C1QC: variants seen among roughly 807,000 people sequenced by gnomAD.
The protein encoded by C1QC is complement C1q subcomponent subunit C.
Under a neutral mutation model 5.9 loss-of-function variants are expected in C1QC, and 4 were observed. The ratio of observed to expected loss-of-function variants is 0.68; its 90% CI spans 0.33 to 1.55. The LOEUF (loss-of-function observed/expected upper bound fraction) is 1.55. C1QC is among the 40% of genes most tolerant of loss of function. The probability of loss-of-function intolerance (pLI) is 0.06; values close to 1 mark genes in which losing one functional copy is unlikely to be tolerated. For missense variants in C1QC, 299 were observed against 326.9 expected (o/e 0.91, Z 0.66); for synonymous variants, 166 against 153.8 (o/e 1.08, Z -0.59).
chr1:22,644,122 C>A lies in C1QC; in HGVS notation c.99C>A (p.Tyr33Ter). 6.3e-7 allele frequency: 1 copy of A among 1,583,494 alleles called. No homozygotes were observed. The highest frequency in any genetic ancestry group is 8.6e-7 in the Non-Finnish European group (1 of 1,165,744). The change falls in exon 2 of 3, where the codon TAC becomes TAA. Residue 33 changes from tyrosine to a stop codon, truncating the protein, a stop_gained. Coordinates refer to ENST00000374640, the MANE Select transcript of C1QC (RefSeq NM_172369.5). LOFTEE classifies it high-confidence loss of function. ...PLRGQANTGC[Y>*]GIPGMPGLPG... ...GGGGCCAAGCCAACACAGGCTGCTA[C>A]GGGATCCCAGGGATGCCCGGCCTGC...
rs750769493 is a variant in C1QC, at chr1:22,647,576, C to G, written c.531C>G (p.Asn177Lys). ...TCTACCACGCGTCGCATACAGCCAA[C>G]CTGTGCGTGCTGCTGTACCGCAGCG... is the stretch of plus-strand genomic sequence containing the variant. ...YFVYHASHTA[N>K]LCVLLYRSGV... Residue 177 changes from asparagine to lysine, a missense_variant, in exon 3 of 3, where the codon AAC becomes AAG. Transcript: ENST00000374640. The G allele has an allele frequency of 1.9e-6, 3 of 1,614,256 alleles. No homozygotes were observed. The East Asian group carries it at 6.7e-5, about 36-fold the overall frequency.
rs552511537 is a variant in C1QC at position 22,647,503 on chromosome 1, C to G, written c.458C>G (p.Thr153Arg). The G allele has an allele frequency of 3.3e-5, 54 of 1,614,120 alleles. No homozygotes were observed. The highest frequency in any genetic ancestry group is 1.2e-5 in the Non-Finnish European group (14 of 1,180,048). The part of the protein sequence containing the change: ...VLTNPQGDYD[T>R]STGKFTCKVP... The stretch of plus-strand genomic sequence containing the variant: ...ACCAACCCGCAGGGAGATTATGACA[C>G]GAGCACTGGCAAGTTCACCTGCAAA... Residue 153 changes from threonine to arginine, a missense_variant, in exon 3 of 3, where the codon ACG becomes AGG. Physicochemically the swap from Thr to Arg is moderately conservative, Grantham distance 71. Transcript: ENST00000374640.
rs950941591 is a variant in C1QC, at chr1:22,647,760, G to A, written c.715G>A (p.Gly239Ser). Residue 239 changes from glycine to serine, a missense_variant, in exon 3 of 3, where the codon GGC (glycine) becomes AGC (serine). Around this residue, in one of 3 missense-constraint regions of C1QC, gnomAD observed 144 missense variants for 155.1 expected, o/e 0.93. Coordinates refer to ENST00000374640, the MANE Select transcript of C1QC (RefSeq NM_172369.5). ...CCAGGGCTCTGACAGCGTCTTCTCC[G>A]GCTTCCTGCTCTTCCCCGACTAGGG... Reference protein sequence around the residue: ...GIQGSDSVFSGFLLFPD With the variant: ...GIQGSDSVFSSFLLFPD 16 of 1,599,792 alleles carry A rather than the reference G, an allele frequency of 1.0e-5. No individual in the cohort carries two copies. Among genetic ancestry groups the A allele is most frequent in the South Asian group, 5.5e-5 (5 of 91,084 alleles).
rs9434 is a variant in C1QC, at chr1:22,647,804, C to T, written c.*21C>T. The T allele has an allele frequency of 6.3e-7, 1 of 1,597,966 alleles. No individual in the cohort carries two copies. ...ACTAGGGCGGGCAGATGCGCTCGAG[C>T]CCCACGGGCCTTCCACCTCCCTCAG... On this transcript the variant is annotated 3_prime_UTR_variant, in exon 3 of 3. Transcript: ENST00000374640.
chr1:22,647,077 C>A, intron 2 of C1QC, 150 bp from the exon 3 acceptor site: 1 of 937,736 alleles, frequency 1.1e-6, no homozygotes, highest in Non-Finnish European at 1.6e-6. Flanking sequence ...AGCCTAACTC[C>A]CTGCACCCTG....
rs1196678363 is a variant in C1QC, at chr1:22,647,783, G to C, written c.738G>C (p.Ter246TyrextTer31). 6.3e-7 allele frequency: 1 copy of C among 1,599,666 alleles called. No homozygotes were observed. ...CCGGCTTCCTGCTCTTCCCCGACTA[G>C]GGCGGGCAGATGCGCTCGAGCCCCA... ...VFSGFLLFPD* is the reference protein window; with the variant it reads ...VFSGFLLFPDY The change falls in exon 3 of 3, where the codon TAG becomes TAC. Residue 246 changes from the stop codon to tyrosine, a stop_lost. Coordinates refer to ENST00000374640, the MANE Select transcript of C1QC (RefSeq NM_172369.5).
rs765845446 is a variant in C1QC at position 22,644,143 on chromosome 1, C to T, written c.120C>T (p.Gly40=). 1 of 1,586,088 alleles carries T rather than the reference C, an allele frequency of 6.3e-7. No individual in the cohort carries two copies. ...TGCYGIPGMP[G]LPGAPGKDGY... is the part of the protein sequence containing the mutation. ...GCTACGGGATCCCAGGGATGCCCGG[C>T]CTGCCCGGGGCACCAGGGAAGGATG... is the stretch of plus-strand genomic sequence containing the variant. The change falls in exon 2 of 3, where the codon GGC becomes GGT. Residue 40 remains glycine (G), a synonymous_variant. Transcript: ENST00000374640.
chr1:22,644,305 C>A (rs1570080447), intron 2 of C1QC, 101 bp downstream of exon 2: 4 of 1,120,420 alleles, frequency 3.6e-6, no homozygotes, highest in Non-Finnish European at 1.2e-6. Context: ...GAAGTGCTTG[C>A]CTTGCTGCCA....
At chr1:22,646,426 G>A (rs1047066468) in intron 2 of C1QC, among the ~76,000 whole-genome samples, 2 of 152,144 alleles carry the variant, frequency 1.3e-5, no homozygotes, top group Admixed American at 6.5e-5. Context: ...GCAGAGGTGA[G>A]AGTGGTTACA....
chr1:22,646,831 A>C (rs1200084588), intron 2 of C1QC, among the ~76,000 whole-genome samples: 1 of 152,214 alleles, frequency 6.6e-6, no homozygotes, highest in Admixed American at 6.5e-5. Context: ...GGCTCCAATT[A>C]AAAATTTTAA....
Position 22,647,886 on chromosome 1 carries a change from C to T in C1QC, c.*103C>T. ...CTGCATCCTTGCCTAGACCATTCTC[C>T]CCACCAGATGGACTTCTCCTCCAGG... On this transcript the variant is annotated 3_prime_UTR_variant, in exon 3 of 3. Coordinates refer to ENST00000374640, the MANE Select transcript of C1QC (RefSeq NM_172369.5). The T allele has an allele frequency of 3.4e-6, 5 of 1,474,866 alleles. No homozygotes were observed. The highest frequency in any genetic ancestry group is 1.9e-5 in the Admixed American group (1 of 51,620). The allele number at this position is 1,474,866 out of a possible 1,614,324, so 91.4% of individuals were successfully genotyped here. A position where few individuals can be genotyped will look rare whatever the true frequency, so the allele number is the denominator to read the frequency against.
intron 2 of C1QC, 29 bp from the exon 3 acceptor site, chr1:22,647,198 C>A (rs760556138): frequency 6.3e-7 from 1 of 1,599,622 alleles, no homozygotes; most frequent in Non-Finnish European, 8.5e-7. Flanking sequence ...CCCACCCTAT[C>A]ACTTTCTCTC....
Position 22,647,765 on chromosome 1 carries a change from C to T in C1QC, c.720C>T (p.Phe240=), listed in dbSNP as rs1205568578. 1.3e-6 allele frequency: 2 copies of T among 1,599,756 alleles called. No individual in the cohort carries two copies. The highest frequency in any genetic ancestry group is 1.3e-5 in the African/African-American group (1 of 74,928). Residue 240 remains phenylalanine (F), a synonymous_variant, in exon 3 of 3, where the codon TTC becomes TTT. Coordinates refer to ENST00000374640, the MANE Select transcript of C1QC (RefSeq NM_172369.5). ...GCTCTGACAGCGTCTTCTCCGGCTT[C>T]CTGCTCTTCCCCGACTAGGGCGGGC... ...IQGSDSVFSG[F]LLFPD
intron 2 of C1QC, among the ~76,000 whole-genome samples, chr1:22,644,445 C>A (rs1341992896): frequency 6.6e-6 from 1 of 152,150 alleles, no homozygotes; most frequent in Non-Finnish European, 1.5e-5. Flanking sequence ...CCTCCTTACC[C>A]GATTATAGGG....
chr1:22,647,208 C>T lies in C1QC; in HGVS notation c.182-19C>T. Reference sequence around the variant, plus strand: ...TGTCCCCCACCCTATCACTTTCTCTCTGCCTTCTCCATCTCCAGGAATCCC... The same window carrying T: ...TGTCCCCCACCCTATCACTTTCTCTTTGCCTTCTCCATCTCCAGGAATCCC... On this transcript the variant is annotated intron_variant, in intron 2 of 2. Transcript: ENST00000374640. The T allele has an allele frequency of 3.1e-6, 5 of 1,600,992 alleles. No individual in the cohort carries two copies. Among genetic ancestry groups the T allele is most frequent in the Non-Finnish European group, 4.2e-6 (5 of 1,179,728 alleles).
At position 22,647,800 on chromosome 1, in the gene C1QC, C is replaced by G; in HGVS notation, c.*17C>G. 6.3e-7 allele frequency: 1 copy of G among 1,599,052 alleles called. No homozygotes were observed. On this transcript the variant is annotated 3_prime_UTR_variant, in exon 3 of 3. Coordinates refer to ENST00000374640, the MANE Select transcript of C1QC (RefSeq NM_172369.5). ...CCCGACTAGGGCGGGCAGATGCGCTCGAGCCCCACGGGCCTTCCACCTCCC... is the reference window on the plus strand; with the variant it reads ...CCCGACTAGGGCGGGCAGATGCGCTGGAGCCCCACGGGCCTTCCACCTCCC...
In C1QC at chr1:22,648,022, C is replaced by T. The variant is rs1483315152; in HGVS notation, c.*239C>T. 3.9e-6 allele frequency: 2 copies of T among 515,470 alleles called. No individual in the cohort carries two copies. The highest frequency in any genetic ancestry group is 3.6e-5 in the Admixed American group (1 of 27,586). 31.9% of individuals were successfully genotyped at this position (515,470 alleles called of 1,614,324 possible). A position where few individuals can be genotyped will look rare whatever the true frequency, so the allele number is the denominator to read the frequency against. On this transcript the variant is annotated 3_prime_UTR_variant, in exon 3 of 3. Coordinates refer to ENST00000374640, the MANE Select transcript of C1QC (RefSeq NM_172369.5). ...TGGTTCCTGGGACACTTAACCAATG[C>T]CTTCTGGTACTGCCATTCTTTTTTT...
chr1:22,644,446 G>A lies in C1QC; in HGVS notation c.181+242G>A, dbSNP rs554931800. ...TCCATCTTCCTTCTCCTCCTTACCCGATTATAGGGAGGGAATAAGAGCGCC... is the reference window on the plus strand; with the variant it reads ...TCCATCTTCCTTCTCCTCCTTACCCAATTATAGGGAGGGAATAAGAGCGCC... On this transcript the variant is annotated intron_variant, in intron 2 of 2. Transcript: ENST00000374640. Among the ~76,000 whole-genome samples the A allele has an allele frequency of 4.1e-4, 62 of 152,266 alleles. No homozygotes were observed. The Middle Eastern group carries it at 0.01, about 25-fold the overall frequency.
At position 22,647,498 on chromosome 1, in the gene C1QC, T is replaced by C; in HGVS notation, c.453T>C (p.Tyr151=). 1 of 1,614,236 alleles carries C rather than the reference T, an allele frequency of 6.2e-7. No homozygotes were observed. Among genetic ancestry groups the C allele is most frequent in the South Asian group, 1.1e-5 (1 of 91,082 alleles). Residue 151 remains tyrosine (Y), a synonymous_variant, in exon 3 of 3, where the codon TAT becomes TAC. Transcript: ENST00000374640. Reference sequence around the variant, plus strand: ...TCCTCACCAACCCGCAGGGAGATTATGACACGAGCACTGGCAAGTTCACCT... The same window carrying C: ...TCCTCACCAACCCGCAGGGAGATTACGACACGAGCACTGGCAAGTTCACCT... The part of the protein sequence containing the change: ...NAVLTNPQGD[Y]DTSTGKFTCK...
Sources: gnomAD v4.1 joint callset for allele counts (sites outside exome capture counted in the v4.1 genomes callset) on GRCh38, gnomAD v4.1.1 for gene constraint, gnomAD v4.1.1 regional missense constraint, MANE v1.5 for transcripts, NCBI Gene and HGNC (gene_info 2026-07-23, HGNC 2026-07-21) for gene names.